Variants in CFAP20DC observed in about 807,000 individuals in gnomAD.
The protein encoded by CFAP20DC is protein CFAP20DC.
A neutral mutation model predicts 101.7 loss-of-function variants in CFAP20DC; 84 were observed. The ratio of observed to expected loss-of-function variants is 0.83; its 90% CI spans 0.69 to 0.99. The LOEUF (loss-of-function observed/expected upper bound fraction) is 0.99. Among genes scored for constraint, CFAP20DC ranks in the 50% least tolerant of loss-of-function variants. CFAP20DC has a pLI of 0.00. For missense variants in CFAP20DC, 1,007 were observed against 970.3 expected (o/e 1.04, Z -0.50); for synonymous variants, 359 against 351.2 (o/e 1.02, Z -0.25).
Position 58,755,422 on chromosome 3 carries a change from C to T in CFAP20DC, c.2238-1559G>A, listed in dbSNP as rs192913828. Among the ~76,000 whole-genome samples, 104 of 152,222 alleles carry T rather than the reference C, an allele frequency of 6.8e-4. 1 individual carries two copies. Among genetic ancestry groups the T allele is most frequent in the Admixed American group, 3.7e-3 (56 of 15,280 alleles). On this transcript the variant is annotated intron_variant, in intron 15 of 16. Coordinates refer to ENST00000482387, the MANE Select transcript of CFAP20DC (RefSeq NM_001394063.1). ...TACAAGGTCATATACAAATTACCAG[C>T]GCAGTGACCTCATTACTCAATAAGG...
At chr3:58,995,630 GA>G (rs1403148263) in intron 4 of CFAP20DC, among the ~76,000 whole-genome samples, 2 of 152,180 alleles carry the variant, frequency 1.3e-5, no homozygotes, top group Admixed American at 1.3e-4. Context: ...GTGTATCTGT[GA>G]AGGTGTTTTT....
intron 15 of CFAP20DC, among the ~76,000 whole-genome samples, chr3:58,796,199 G>T (rs968630215): frequency 7.9e-5 from 12 of 152,180 alleles, no homozygotes; most frequent in South Asian, 2.1e-4. Flanking sequence ...GCAGAGGAGG[G>T]AGGAGGAGTG....
intron 15 of CFAP20DC, 84 bp from the exon 16 acceptor site, chr3:58,753,947 GC>G: frequency 1.1e-6 from 1 of 879,594 alleles, no homozygotes; most frequent in Non-Finnish European, 1.8e-6. Context: ...GTTCCTTGGG[GC>G]TTCCAAAAAG....
chr3:58,931,632 G>A (rs2086706670), intron 5 of CFAP20DC, among the ~76,000 whole-genome samples: 1 of 152,208 alleles, frequency 6.6e-6, no homozygotes, highest in African/African-American at 2.4e-5. Flanking sequence ...CTGCTGTTCT[G>A]CAGCCACCGC....
chr3:58,964,598 T>C lies in CFAP20DC; in HGVS notation c.279-26836A>G, dbSNP rs1411925171. On this transcript the variant is annotated intron_variant, in intron 4 of 16. Coordinates refer to ENST00000482387, the MANE Select transcript of CFAP20DC (RefSeq NM_001394063.1). This position sits in a 1 kb window ranked among gnomAD's most constrained non-coding sequence, Gnocchi z 4.1. ...TTTTAAGAAATAAAGTTCTCTTTTC[T>C]AGACTTATAAATGCTGTGATTTTTA... Among the ~76,000 whole-genome samples, 3 of 152,234 alleles carry C rather than the reference T, an allele frequency of 2.0e-5. No individual in the cohort carries two copies. The highest frequency in any genetic ancestry group is 2.1e-4 in the South Asian group (1 of 4,826).
chr3:58,942,552 T>C (rs914058506), intron 4 of CFAP20DC, among the ~76,000 whole-genome samples: 5 of 152,214 alleles, frequency 3.3e-5, no homozygotes, highest in African/African-American at 9.6e-5. Context: ...CCAGATACTA[T>C]GCTTTTCCCA....
intron 5 of CFAP20DC, among the ~76,000 whole-genome samples, chr3:58,937,359 C>T (rs1559858945): frequency 6.6e-6 from 1 of 152,134 alleles, no homozygotes; most frequent in Non-Finnish European, 1.5e-5. Context: ...GAAAGCCTTC[C>T]CCCATCCCCA....
At position 58,912,073 on chromosome 3, in the gene CFAP20DC, C is replaced by T. The variant is rs573526440; in HGVS notation, c.550+1635G>A. ...ATAAAATTTACAAACGTCTCTTGTC[C>T]GTTATTGTCTCCCCTCCCATATTCT... is the stretch of plus-strand genomic sequence containing the variant. On this transcript the variant is annotated intron_variant, in intron 6 of 16. Transcript: ENST00000482387. The surrounding 1 kb of genome is among the most constrained non-coding windows in gnomAD (Gnocchi z 4.4). Among the ~76,000 whole-genome samples the T allele has an allele frequency of 4.6e-5, 7 of 152,186 alleles. No individual in the cohort carries two copies. The highest frequency in any genetic ancestry group is 4.2e-4 in the South Asian group (2 of 4,818).
At chr3:58,994,719 G>T (rs1030462284) in intron 4 of CFAP20DC, among the ~76,000 whole-genome samples, 31 of 151,508 alleles carry the variant, frequency 2.0e-4, no homozygotes, top group African/African-American at 6.3e-4. Flanking sequence ...CTTTTAAAAT[G>T]ATATCCATAA....
At chr3:59,018,734 A>G (rs930902668) in intron 4 of CFAP20DC, 7 of 152,156 alleles carry the variant, frequency 4.6e-5, no homozygotes, top group African/African-American at 1.7e-4. Context: ...ATTCTGGATC[A>G]AAAACATAAT....
rs368243575 is a variant in CFAP20DC, at chr3:58,867,939, A to C, written c.1016-3T>G. ...ATGCATAATATGTAGATTGGCTGCTACATTTTCATATCAAAGCACAAAAGC... is the reference window on the plus strand; with the variant it reads ...ATGCATAATATGTAGATTGGCTGCTCCATTTTCATATCAAAGCACAAAAGC... On this transcript the variant is annotated splice_polypyrimidine_tract_variant and splice_region_variant and intron_variant, in intron 9 of 16. Coordinates refer to ENST00000482387, the MANE Select transcript of CFAP20DC (RefSeq NM_001394063.1). 1.9e-6 allele frequency: 3 copies of C among 1,602,642 alleles called. No homozygotes were observed. In the South Asian group the frequency reaches 3.4e-5, roughly 18 times the overall value.
At chr3:58,723,014 C>A (rs1180592900) in intron 3 of CFAP20DC, among the ~76,000 whole-genome samples, 2 of 152,342 alleles carry the variant, frequency 1.3e-5, no homozygotes, top group East Asian at 3.9e-4. Flanking sequence ...AGCAACCTAT[C>A]CTGATCACCC....
In CFAP20DC at chr3:58,992,514, C is replaced by G. The variant is rs571565139; in HGVS notation, c.278+47043G>C. On this transcript the variant is annotated intron_variant, in intron 4 of 16. Transcript: ENST00000482387. ...TGAAAGAAAAAAACCTCACCTCGTT[C>G]TTCAAATGGTTTGAGAAGTCCTAGT... 476 of 959,934 alleles carry G rather than the reference C, an allele frequency of 5.0e-4. 7 individuals are homozygous for G. In the South Asian group the frequency reaches 0.021, roughly 42 times the overall value. 59.5% of individuals were successfully genotyped at this position (959,934 alleles called of 1,614,324 possible).
chr3:58,867,807 A>T lies in CFAP20DC; in HGVS notation c.1135+10T>A. ...TACAGATATAAGATAGGATTGAAATAGTGCCATACCGCTGGGTGTCTCTGT... is the reference window on the plus strand; with the variant it reads ...TACAGATATAAGATAGGATTGAAATTGTGCCATACCGCTGGGTGTCTCTGT... On this transcript the variant is annotated intron_variant, in intron 10 of 16. Transcript: ENST00000482387. The T allele has an allele frequency of 6.2e-7, 1 of 1,613,502 alleles. No individual in the cohort carries two copies. Among genetic ancestry groups the T allele is most frequent in the African/African-American group, 1.3e-5 (1 of 75,042 alleles).
chr3:59,034,352 C>T (rs375478043), intron 4 of CFAP20DC, among the ~76,000 whole-genome samples: 29 of 152,240 alleles, frequency 1.9e-4, no homozygotes, highest in Admixed American at 8.5e-4. Flanking sequence ...ACAATATTAA[C>T]CTTAAATGTA....
rs2067596669 is a variant in CFAP20DC, at chr3:58,728,995, T to C, written c.198-11367A>G. Among the ~76,000 whole-genome samples the C allele has an allele frequency of 6.6e-6, 1 of 152,120 alleles. No homozygotes were observed. Among genetic ancestry groups the C allele is most frequent in the South Asian group, 2.1e-4 (1 of 4,830 alleles). On this transcript the variant is annotated intron_variant, in intron 3 of 3. Transcript: ENST00000486145. The surrounding 1 kb of genome is among the most constrained non-coding windows in gnomAD (Gnocchi z 4.7). ...TCCCTTTGTGGCTTCTTGGATCATTTCTCTGAAGGAAGCCAACCACAATGT... is the reference window on the plus strand; with the variant it reads ...TCCCTTTGTGGCTTCTTGGATCATTCCTCTGAAGGAAGCCAACCACAATGT...
Position 58,823,006 on chromosome 3 carries a change from C to T in CFAP20DC, c.2175+8680G>A, listed in dbSNP as rs188385442. Among the ~76,000 whole-genome samples the T allele has an allele frequency of 6.6e-5, 10 of 152,256 alleles. No homozygotes were observed. In the East Asian group the frequency reaches 1.2e-3, roughly 18 times the overall value. On this transcript the variant is annotated intron_variant, in intron 14 of 16. Transcript: ENST00000482387. ...GAACAAAAGCCTTGCTGATTTTCTT[C>T]GTTTATTTCCATTAGCTCATATCTC...
chr3:59,009,165 A>G (rs1401911133), intron 4 of CFAP20DC, among the ~76,000 whole-genome samples: 2 of 152,158 alleles, frequency 1.3e-5, no homozygotes, highest in African/African-American at 4.8e-5. Flanking sequence ...TTTAAATTTA[A>G]AAAACCACAG....
intron 6 of CFAP20DC, among the ~76,000 whole-genome samples, chr3:58,889,526 TTTTTTTTC>T (rs4020086): frequency 0.17 from 25,697 of 150,608 alleles, 3,253 homozygotes; most frequent in African/African-American, 0.36. Context: ...CGCCAATCTT[TTTTTTTTC>T]TTTTTTTCTT....
Sources: gnomAD v4.1 joint callset for allele counts (sites outside exome capture counted in the v4.1 genomes callset) on GRCh38, gnomAD v4.1.1 for gene constraint, Gnocchi (gnomAD v3.1) non-coding constraint, MANE v1.5 for transcripts, NCBI Gene and HGNC (gene_info 2026-07-23, HGNC 2026-07-21) for gene names.